Variants in MCPH1 observed in about 807,000 individuals in gnomAD.
MCPH1 encodes the protein microcephalin.
A neutral mutation model predicts 84.5 loss-of-function variants in MCPH1; 104 were observed. The observed-to-expected ratio is 1.23, with a 90% confidence interval of 1.05 to 1.45. The LOEUF (loss-of-function observed/expected upper bound fraction) is 1.45, where lower values mean the gene tolerates loss of function less well. MCPH1 is among the 40% of genes most tolerant of loss of function. The pLI is 0.00. For synonymous variants in MCPH1, 514 were observed against 366.8 expected, an observed-to-expected ratio of 1.40 and a Z score of -4.58; for missense variants, 1,498 against 1,005.7, an observed-to-expected ratio of 1.49 and a Z score of -6.62.
chr8:6,446,440 A>G lies in MCPH1; in HGVS notation c.1825+893A>G, dbSNP rs138771570. ...TTTGAAATCATCACAGACATGTTAC[A>G]TACCTTTTCCTTGAGTATACGCTCC... On this transcript the variant is annotated intron_variant, in intron 8 of 13. Transcript: ENST00000344683. The G allele has an allele frequency of 3.8e-4, 378 of 985,386 alleles. 7 individuals are homozygous for G. The East Asian group carries it at 0.03, about 78-fold the overall frequency. 61.0% of individuals were successfully genotyped at this position (985,386 alleles called of 1,614,324 possible). A position where few individuals can be genotyped will look rare whatever the true frequency, so the allele number is the denominator to read the frequency against.
intron 12 of MCPH1, among the ~76,000 whole-genome samples, chr8:6,613,708 CAG>C (rs1830513359): frequency 6.6e-6 from 1 of 152,068 alleles, no homozygotes; most frequent in Non-Finnish European, 1.5e-5. Context: ...GAGATAGAGA[CAG>C]AGTCATCAGG....
At chr8:6,487,916 C>T (rs1157022196) in intron 11 of MCPH1, among the ~76,000 whole-genome samples, 1 of 152,208 alleles carries the variant, frequency 6.6e-6, no homozygotes, top group Non-Finnish European at 1.5e-5. Context: ...GCAAAAATAG[C>T]TTGTCTGACT....
intron 12 of MCPH1, chr8:6,520,072 G>A (rs536740263): frequency 2.0e-6 from 3 of 1,531,888 alleles, no homozygotes; most frequent in East Asian, 4.6e-5. Flanking sequence ...CAATCATTTG[G>A]TGAGTTTTAT....
chr8:6,513,739 C>G, intron 12 of MCPH1: 1 of 1,613,984 alleles, frequency 6.2e-7, no homozygotes, highest in Non-Finnish European at 8.5e-7. Flanking sequence ...GCCTCATTCC[C>G]TTCCCAGTCT....
intron 12 of MCPH1, among the ~76,000 whole-genome samples, chr8:6,578,575 A>G (rs1827300581): frequency 6.6e-6 from 1 of 152,260 alleles, no homozygotes; most frequent in Non-Finnish European, 1.5e-5. Context: ...ATTTAAGAGC[A>G]GAATATTTCA....
At chr8:6,601,474 C>T (rs1034409134) in intron 12 of MCPH1, among the ~76,000 whole-genome samples, 6 of 151,876 alleles carry the variant, frequency 4.0e-5, no homozygotes, top group African/African-American at 1.2e-4. Flanking sequence ...ACGTCTGTGG[C>T]GATCTCCCTC....
intron 9 of MCPH1, among the ~76,000 whole-genome samples, chr8:6,456,874 C>T (rs1277893924): frequency 2.0e-5 from 3 of 152,122 alleles, no homozygotes; most frequent in Non-Finnish European, 2.9e-5. Flanking sequence ...GGGTTAGGGA[C>T]AGGCATCCTG....
intron 9 of MCPH1, among the ~76,000 whole-genome samples, chr8:6,460,735 G>A (rs1806189889): frequency 6.6e-6 from 1 of 152,042 alleles, no homozygotes; most frequent in South Asian, 2.1e-4. Context: ...ATGATCTGGA[G>A]CTGGGGTTCT....
At chr8:6,549,760 G>A (rs1823287318) in intron 12 of MCPH1, among the ~76,000 whole-genome samples, 1 of 152,216 alleles carries the variant, frequency 6.6e-6, no homozygotes, top group South Asian at 2.1e-4. Flanking sequence ...CACGTGCAGG[G>A]CAGCAAGTCC....
intron 12 of MCPH1, among the ~76,000 whole-genome samples, chr8:6,601,509 C>T (rs1156659873): frequency 6.8e-6 from 1 of 147,062 alleles, no homozygotes; most frequent in Non-Finnish European, 1.5e-5. Context: ...CCTACCTGTC[C>T]TCCATCATAT....
intron 9 of MCPH1, among the ~76,000 whole-genome samples, chr8:6,476,255 C>G (rs1280596519): frequency 1.3e-5 from 2 of 151,832 alleles, no homozygotes; most frequent in African/African-American, 4.8e-5. Flanking sequence ...ATGGTGGAAC[C>G]CTGTCTCTAC....
intron 12 of MCPH1, among the ~76,000 whole-genome samples, chr8:6,505,308 T>TG (rs1813211944): frequency 4.5e-5 from 2 of 44,798 alleles, no homozygotes; most frequent in South Asian, 6.6e-4. Context: ...TATATGTATA[T>TG]AACATATATA....
chr8:6,474,296 A>G (rs1808149940), intron 9 of MCPH1: 1 of 516,950 alleles, frequency 1.9e-6, no homozygotes, highest in South Asian at 2.2e-5. Flanking sequence ...TGATTCTGAT[A>G]TGTGGTTTTT....
At chr8:6,631,222 T>C (rs1488924711) in intron 13 of MCPH1, among the ~76,000 whole-genome samples, 1 of 152,162 alleles carries the variant, frequency 6.6e-6, no homozygotes, top group African/African-American at 2.4e-5. Context: ...ACCTGAAGGA[T>C]TGATCCTCAT....
chr8:6,572,575 G>A (rs1037385454), intron 12 of MCPH1, among the ~76,000 whole-genome samples: 2 of 152,220 alleles, frequency 1.3e-5, no homozygotes, highest in African/African-American at 4.8e-5. Flanking sequence ...ATATACAGAT[G>A]TTAAAGACCG....
intron 13 of MCPH1, chr8:6,626,470 TTTTG>T (rs1563211097): frequency 2.1e-6 from 2 of 958,468 alleles, no homozygotes; most frequent in East Asian, 1.4e-4. Flanking sequence ...GGTTTTTTTG[TTTTG>T]TTTTTTTTTT....
chr8:6,459,335 G>T (rs200312762), intron 9 of MCPH1, among the ~76,000 whole-genome samples: 5 of 152,098 alleles, frequency 3.3e-5, no homozygotes, highest in African/African-American at 1.2e-4. Context: ...GAGTGCAATG[G>T]CACAGTCTTG....
intron 13 of MCPH1, chr8:6,622,051 T>TC: frequency 2.7e-6 from 1 of 372,074 alleles, no homozygotes; most frequent in Non-Finnish European, 5.4e-6. Context: ...TTGTCCTGCT[T>TC]CAGGAGTCCC....
chr8:6,471,829 AG>A (rs1807767303), intron 9 of MCPH1, among the ~76,000 whole-genome samples: 1 of 152,254 alleles, frequency 6.6e-6, no homozygotes, highest in African/African-American at 2.4e-5. Flanking sequence ...TCTTGGTCGA[AG>A]GTAAGTCACT....
Sources: gnomAD v4.1 joint callset for allele counts (sites outside exome capture counted in the v4.1 genomes callset) on GRCh38, gnomAD v4.1.1 for gene constraint, MANE v1.5 for transcripts, NCBI Gene and HGNC (gene_info 2026-07-23, HGNC 2026-07-21) for gene names.